SUPT3H: variants seen among roughly 807,000 people sequenced by gnomAD.
SUPT3H encodes the protein transcription initiation protein SPT3 homolog.
In SUPT3H, 44 loss-of-function variants were observed where a neutral mutation model predicts 44.3. That is an observed-to-expected ratio of 0.99 (90% CI 0.78 to 1.28). The LOEUF (loss-of-function observed/expected upper bound fraction) is 1.28, where lower values mean the gene tolerates loss of function less well. Among genes scored for constraint, SUPT3H ranks in the 50% most tolerant of loss-of-function variants. SUPT3H has a pLI of 0.00. For missense variants in SUPT3H, 380 were observed against 387.1 expected (o/e 0.98, Z 0.15); for synonymous variants, 124 against 125.6 (o/e 0.99, Z 0.09).
chr6:45,060,566 C>A (rs375503249), intron 3 of SUPT3H, among the ~76,000 whole-genome samples: 1 of 151,846 alleles, frequency 6.6e-6, no homozygotes, highest in Admixed American at 6.6e-5. Flanking sequence ...CCAAAAGCAG[C>A]TTCAACAAAA....
At chr6:45,346,377 A>G (rs777803910) in intron 2 of SUPT3H, among the ~76,000 whole-genome samples, 11 of 152,128 alleles carry the variant, frequency 7.2e-5, no homozygotes, top group Non-Finnish European at 1.5e-4. Flanking sequence ...GAGGGTAGCT[A>G]GAACCTCGCA....
chr6:44,995,727 C>G lies in SUPT3H; in HGVS notation c.504+7926G>C, dbSNP rs147368688. Among the ~76,000 whole-genome samples the G allele has an allele frequency of 6.7e-3, 1,023 of 151,896 alleles. 10 individuals carry two copies. Among genetic ancestry groups the G allele is most frequent in the Non-Finnish European group, 8.5e-3 (575 of 67,866 alleles). On this transcript the variant is annotated intron_variant, in intron 6 of 10. Transcript: ENST00000371459. ...GCTTCATAAAGCATATCCTTCAGCA[C>G]CACTTACAAAGTAAATACTTCTGAT...
chr6:45,202,036 C>A (rs900270954), intron 2 of SUPT3H, among the ~76,000 whole-genome samples: 5 of 151,846 alleles, frequency 3.3e-5, no homozygotes, highest in Non-Finnish European at 5.9e-5. Context: ...TTGTTTTTCA[C>A]TGACTCAAGC....
intron 2 of SUPT3H, among the ~76,000 whole-genome samples, chr6:45,244,364 C>A (rs1202815311): frequency 2.0e-5 from 3 of 152,164 alleles, no homozygotes; most frequent in Non-Finnish European, 4.4e-5. Flanking sequence ...ATTAGCCACA[C>A]CTTATTTATA....
At chr6:45,280,360 G>T (rs905090877) in intron 2 of SUPT3H, among the ~76,000 whole-genome samples, 2 of 152,050 alleles carry the variant, frequency 1.3e-5, no homozygotes, top group African/African-American at 4.8e-5. Flanking sequence ...AAAAAAGTTA[G>T]CCAGGAAACA....
At chr6:45,370,446 C>T (rs1186256013) in intron 1 of SUPT3H, among the ~76,000 whole-genome samples, 1 of 151,718 alleles carries the variant, frequency 6.6e-6, no homozygotes, top group Admixed American at 6.6e-5. Context: ...ATTAGACATT[C>T]AAGTGGAGAT....
chr6:45,254,134 G>T (rs1192454444), intron 2 of SUPT3H, among the ~76,000 whole-genome samples: 2 of 151,730 alleles, frequency 1.3e-5, no homozygotes, highest in Admixed American at 1.3e-4. Flanking sequence ...TTGGCAACTG[G>T]GATAAAAGTC....
rs115410240 is a variant in SUPT3H, at chr6:45,344,190, G to A, written c.101+21011C>T. Among the ~76,000 whole-genome samples, 1,386 of 152,314 alleles carry A rather than the reference G, an allele frequency of 9.1e-3. 11 individuals carry two copies. The highest frequency in any genetic ancestry group is 0.013 in the Non-Finnish European group (915 of 68,014). ...CTAAATACTTAGTAGTATACAAAGA[G>A]TTAGACCATGACAAAGTTCCTAGAA... is the stretch of plus-strand genomic sequence containing the variant. On this transcript the variant is annotated intron_variant, in intron 2 of 10. Coordinates refer to ENST00000371459, the MANE Select transcript of SUPT3H (RefSeq NM_003599.4).
At chr6:45,212,481 ATGTGTGTGTG>A (rs11269206) in intron 2 of SUPT3H, among the ~76,000 whole-genome samples, 1,871 of 42,654 alleles carry the variant, frequency 0.044, 20 homozygotes, top group Non-Finnish European at 0.048. Context: ...CACCTCCACT[ATGTGTGTGTG>A]TGTGTGTGTG....
Position 44,851,418 on chromosome 6 carries a change from C to G in SUPT3H, c.913-21561G>C, listed in dbSNP as rs1385040719. Among the ~76,000 whole-genome samples, 3 of 152,156 alleles carry G rather than the reference C, an allele frequency of 2.0e-5. 1 individual carries two copies. The highest frequency in any genetic ancestry group is 6.3e-3 in the Middle Eastern group (2 of 316). On this transcript the variant is annotated intron_variant, in intron 10 of 10. Coordinates refer to ENST00000371459, the MANE Select transcript of SUPT3H (RefSeq NM_003599.4). ...TTCACCACAATTATGGTTGGCAGAA[C>G]AGACAGACTTATTAGGCAATTAGAA... is the stretch of plus-strand genomic sequence containing the variant.
At chr6:45,265,487 T>G (rs1339117907) in intron 2 of SUPT3H, among the ~76,000 whole-genome samples, 1 of 152,096 alleles carries the variant, frequency 6.6e-6, no homozygotes, top group Non-Finnish European at 1.5e-5. Flanking sequence ...TTTTTTAACC[T>G]TCGTCACTTC....
At chr6:45,343,951 T>C (rs1281750660) in intron 2 of SUPT3H, among the ~76,000 whole-genome samples, 3 of 152,192 alleles carry the variant, frequency 2.0e-5, no homozygotes, top group African/African-American at 7.2e-5. Context: ...GCCCTTGATA[T>C]TCTATACTAG....
At chr6:44,902,442 A>T (rs1396070077) in intron 10 of SUPT3H, among the ~76,000 whole-genome samples, 18 of 152,300 alleles carry the variant, frequency 1.2e-4, no homozygotes, top group Middle Eastern at 3.4e-3. Flanking sequence ...AGAAGTCCAT[A>T]ACATAATGGT....
intron 2 of SUPT3H, among the ~76,000 whole-genome samples, chr6:45,275,059 T>C (rs998086505): frequency 2.6e-5 from 4 of 152,198 alleles, no homozygotes; most frequent in Non-Finnish European, 5.9e-5. Context: ...TATATATGTT[T>C]TATATGCTGC....
intron 9 of SUPT3H, among the ~76,000 whole-genome samples, chr6:44,942,801 G>T (rs1166296705): frequency 6.6e-6 from 1 of 152,094 alleles, no homozygotes; most frequent in African/African-American, 2.4e-5. Flanking sequence ...AAAGCAAAAA[G>T]AAATGAAAAG....
At chr6:45,094,262 G>A (rs977220995) in intron 3 of SUPT3H, among the ~76,000 whole-genome samples, 8 of 152,132 alleles carry the variant, frequency 5.3e-5, no homozygotes, top group Non-Finnish European at 1.2e-4. Flanking sequence ...GGGGATAGGA[G>A]TCTAGCAGAC....
rs534068261 is a variant in SUPT3H at position 45,059,860 on chromosome 6, A to G, written c.187-39228T>C. The stretch of plus-strand genomic sequence containing the variant: ...CCCATTCACAATTGCCACAAAAAGA[A>G]TAAAATACCTGGGAATATAGCTAAC... On this transcript the variant is annotated intron_variant, in intron 3 of 10. Transcript: ENST00000371459. 4.6e-5 allele frequency among the ~76,000 whole-genome samples: 7 copies of G among 152,270 alleles called. No homozygotes were observed. The South Asian group carries it at 1.2e-3, about 27-fold the overall frequency.
At chr6:44,942,359 C>T (rs1019204317) in intron 9 of SUPT3H, among the ~76,000 whole-genome samples, 10 of 151,504 alleles carry the variant, frequency 6.6e-5, no homozygotes, top group African/African-American at 1.7e-4. Flanking sequence ...AAACTGGAAA[C>T]GGTAGTATGT....
At chr6:45,117,743 T>A (rs752032201) in intron 2 of SUPT3H, among the ~76,000 whole-genome samples, 6 of 152,142 alleles carry the variant, frequency 3.9e-5, no homozygotes, top group Non-Finnish European at 7.4e-5. Context: ...TGTGTAAATA[T>A]CTGTGACTGC....
Sources: allele counts gnomAD v4.1 joint callset (sites outside exome capture counted in the v4.1 genomes callset), GRCh38; gene constraint gnomAD v4.1.1; transcripts MANE v1.5; gene names NCBI Gene and HGNC (gene_info 2026-07-23, HGNC 2026-07-21).